Variants in TKFC observed in about 807,000 individuals in gnomAD.
The protein encoded by TKFC is triokinase/FMN cyclase.
In TKFC, 46 loss-of-function variants were observed where a neutral mutation model predicts 61.0. The ratio of observed to expected loss-of-function variants is 0.75; its 90% CI spans 0.60 to 0.96. TKFC has a LOEUF of 0.96. Ranked by LOEUF, TKFC falls within the 50% of genes least tolerant of loss-of-function variation. TKFC has a pLI of 0.00. For synonymous variants in TKFC, 314 were observed against 330.1 expected (o/e 0.95, Z 0.53); for missense variants, 715 against 777.5 (o/e 0.92, Z 0.96).
chr11:61,346,412 A>G lies in TKFC; in HGVS notation c.1637A>G (p.Tyr546Cys). 1 of 1,612,470 alleles carries G rather than the reference A, an allele frequency of 6.2e-7. No individual in the cohort carries two copies. Among genetic ancestry groups the G allele is most frequent in the Non-Finnish European group, 8.5e-7 (1 of 1,179,974 alleles). The change falls in exon 18 of 18, where the codon TAT becomes TGT. Residue 546 changes from tyrosine (Y) to cysteine (C), a missense_variant. By Grantham distance (194) the Tyr-to-Cys change is radical (BLOSUM62 -2). Transcript: ENST00000394900. The surrounding 1 kb of genome is among the most constrained non-coding windows in gnomAD (Gnocchi z 4.1). ...NMEAGAGRAS[Y>C]ISSARLEQPD... Reference sequence around the variant, plus strand: ...GAAGCTGGAGCCGGAAGAGCCAGTTATATCAGCTCAGCACGGCTGGAGCAG... The same window carrying G: ...GAAGCTGGAGCCGGAAGAGCCAGTTGTATCAGCTCAGCACGGCTGGAGCAG...
chr11:61,349,003 C>G lies in TKFC; in HGVS notation c.*2500C>G. ...AATGTGAGGCTGGGGTGGACGTTGGCCTGATGTTGCCAGGAGTAGGATGCT... is the reference window on the plus strand; with the variant it reads ...AATGTGAGGCTGGGGTGGACGTTGGGCTGATGTTGCCAGGAGTAGGATGCT... On this transcript the variant is annotated 3_prime_UTR_variant, in exon 18 of 18. Coordinates refer to ENST00000394900, the MANE Select transcript of TKFC (RefSeq NM_015533.4). 1 of 157,020 alleles carries G rather than the reference C, an allele frequency of 6.4e-6. No homozygotes were observed. The allele number at this position is 157,020 out of a possible 1,614,324, so 9.7% of individuals were successfully genotyped here.
chr11:61,350,790 T>G (rs1857367412), downstream of TKFC: 1 of 702,382 alleles, frequency 1.4e-6, no homozygotes, highest in Non-Finnish European at 2.3e-6. Flanking sequence ...ATGGACAGAC[T>G]GGGGAGTCCC....
chr11:61,351,248 C>A, downstream of TKFC: 2 of 1,274,634 alleles, frequency 1.6e-6, no homozygotes, highest in Admixed American at 3.0e-5. Context: ...AAAACCTTCC[C>A]GGGTCCATAT....
At chr11:61,343,996 G>C (rs1430446157) in intron 12 of TKFC, 21 bp downstream of exon 12, 1 of 1,608,778 alleles carries the variant, frequency 6.2e-7, no homozygotes, top group Non-Finnish European at 8.5e-7. Flanking sequence ...CTGCCTTTGG[G>C]GAAGGGACAG....
downstream of TKFC, chr11:61,352,952 T>C (rs1473764701): frequency 5.0e-6 from 8 of 1,614,026 alleles, no homozygotes; most frequent in Non-Finnish European, 6.8e-6. Flanking sequence ...TCCCTCCTCT[T>C]CACCTTAGAG....
In TKFC at chr11:61,345,243, T is replaced by A. The variant is rs780343147; in HGVS notation, c.1241-17T>A. The A allele has an allele frequency of 6.6e-7, 1 of 1,512,256 alleles. No individual in the cohort carries two copies. Among genetic ancestry groups the A allele is most frequent in the Non-Finnish European group, 8.9e-7 (1 of 1,124,972 alleles). 93.7% of individuals were successfully genotyped at this position (1,512,256 alleles called of 1,614,324 possible). On this transcript the variant is annotated splice_polypyrimidine_tract_variant and intron_variant, in intron 13 of 17. Transcript: ENST00000394900. The stretch of plus-strand genomic sequence containing the variant: ...GGGAGGATCTCTGAATTCCTCCCCA[T>A]CTCTCTCTGCCTGCAGCAATCCAGG...
Position 61,347,525 on chromosome 11 carries a change from C to T in TKFC, c.*1022C>T, listed in dbSNP as rs1048073350. 887 of 962,544 alleles carry T rather than the reference C, an allele frequency of 9.2e-4. 1 individual carries two copies. Among genetic ancestry groups the T allele is most frequent in the Middle Eastern group, 2.1e-3 (4 of 1,882 alleles). The allele number at this position is 962,544 out of a possible 1,614,324, so 59.6% of individuals were successfully genotyped here. On this transcript the variant is annotated 3_prime_UTR_variant, in exon 18 of 18. Coordinates refer to ENST00000394900, the MANE Select transcript of TKFC (RefSeq NM_015533.4). The stretch of plus-strand genomic sequence containing the variant: ...CTATACTCCAGCCTGGGCAACAAAG[C>T]GAGACCCTGTCTCAAAAAAAAAAAA...
chr11:61,334,728 C>T lies in TKFC; in HGVS notation c.-1C>T, dbSNP rs766217270. 2.5e-6 allele frequency: 4 copies of T among 1,614,078 alleles called. No individual in the cohort carries two copies. The South Asian group carries it at 3.3e-5, about 13-fold the overall frequency. ...TCAGCCTGTTTCAGAGCCTCCACAC[C>T]ATGGTGAGTCATACAGGGCCGGGAC... On this transcript the variant is annotated 5_prime_UTR_variant, in exon 2 of 18. Transcript: ENST00000394900.
chr11:61,338,964 C>A, intron 3 of TKFC, 102 bp from the exon 4 acceptor site: 1 of 978,250 alleles, frequency 1.0e-6, no homozygotes, highest in Non-Finnish European at 1.6e-6. Flanking sequence ...ACCAAGCACA[C>A]AGTAGGGCTC....
intron 3 of TKFC, 75 bp from the exon 4 acceptor site, chr11:61,338,991 C>A: frequency 7.6e-7 from 1 of 1,312,328 alleles, no homozygotes; most frequent in South Asian, 1.3e-5. Context: ...CCATGACCCC[C>A]GGAGTGTGGG....
At chr11:61,344,316 C>T (rs1283273597) in intron 13 of TKFC, 43 bp downstream of exon 13, 27 of 1,577,532 alleles carry the variant, frequency 1.7e-5, no homozygotes, top group Non-Finnish European at 2.3e-5. Context: ...TTCACAAAAC[C>T]TTAGCCCCCC....
downstream of TKFC, chr11:61,352,741 G>A (rs573678179): frequency 9.7e-6 from 12 of 1,234,010 alleles, no homozygotes; most frequent in African/African-American, 1.1e-4. Context: ...AGGATTAAAT[G>A]TAAGGTGCTT....
chr11:61,350,741 C>G, downstream of TKFC: 1 of 603,136 alleles, frequency 1.7e-6, no homozygotes, highest in East Asian at 2.9e-5. Flanking sequence ...CTTCACCCCA[C>G]AGAACCACAG....
At chr11:61,350,694 A>G (rs1565065169), downstream of TKFC, 2 of 591,756 alleles carry the variant, frequency 3.4e-6, no homozygotes, top group Non-Finnish European at 5.9e-6. Context: ...CCCTTGTCAC[A>G]GTCAAGCCCT....
At chr11:61,350,360 T>G (rs767292537), downstream of TKFC, 1 of 1,602,282 alleles carries the variant, frequency 6.2e-7, no homozygotes, top group African/African-American at 1.3e-5. Flanking sequence ...GAGCACAGGC[T>G]GCACCACCAG....
chr11:61,343,531 C>T (rs1011290634), intron 11 of TKFC, 73 bp downstream of exon 11: 1 of 1,400,846 alleles, frequency 7.1e-7, no homozygotes, highest in Admixed American at 1.7e-5. Flanking sequence ...GACTTGGAGA[C>T]CCCGTCAGGG....
chr11:61,352,764 GAC>G (rs1366606030), downstream of TKFC: 4 of 1,388,404 alleles, frequency 2.9e-6, no homozygotes, highest in East Asian at 2.6e-5. Context: ...TACTGTTTCT[GAC>G]ACACAGCAGG....
chr11:61,346,233 C>A lies in TKFC; in HGVS notation c.1576-118C>A. 6.4e-7 allele frequency: 1 copy of A among 1,556,528 alleles called. No homozygotes were observed. ...TTGGTGACAGAGCAGAGGGTGCTGG[C>A]AGAGCCAGGGCAAGGGCGTGCAGGG... On this transcript the variant is annotated intron_variant, in intron 17 of 17. Coordinates refer to ENST00000394900, the MANE Select transcript of TKFC (RefSeq NM_015533.4). The surrounding 1 kb of genome is among the most constrained non-coding windows in gnomAD (Gnocchi z 4.1).
intron 2 of TKFC, chr11:61,335,925 G>C (rs1463602322): frequency 6.6e-6 from 1 of 152,266 alleles, no homozygotes; most frequent in East Asian, 1.9e-4. Context: ...CTCCCGAGTA[G>C]CTGGAATTAC....
Sources: allele counts gnomAD v4.1 joint callset, GRCh38; gene constraint gnomAD v4.1.1; non-coding constraint Gnocchi (gnomAD v3.1); transcripts MANE v1.5; gene names NCBI Gene and HGNC (gene_info 2026-07-23, HGNC 2026-07-21).